SDHD: variants seen among roughly 807,000 people sequenced by gnomAD.
SDHD encodes succinate dehydrogenase complex subunit D, also known as succinate dehydrogenase [ubiquinone] cytochrome b small subunit, mitochondrial.
Under a neutral mutation model 18.7 loss-of-function variants are expected in SDHD, and 6 were observed. The observed-to-expected ratio is 0.32, with a 90% CI of 0.18 to 0.63. The LOEUF (loss-of-function observed/expected upper bound fraction) is 0.63. Ranked by LOEUF, SDHD falls within the 30% of genes least tolerant of loss-of-function variation. The probability of loss-of-function intolerance (pLI) is 0.79; values close to 1 mark genes in which losing one functional copy is unlikely to be tolerated. For synonymous variants in SDHD, 56 were observed against 73.9 expected, an observed-to-expected ratio of 0.76 and a Z score of 1.24; for missense variants, 160 against 192.7, an observed-to-expected ratio of 0.83 and a Z score of 1.00.
At chr11:112,094,740 T>C (rs1440929827) in intron 3 of SDHD, 65 bp from the exon 4 acceptor site, 1 of 1,436,606 alleles carries the variant, frequency 7.0e-7, no homozygotes, top group Non-Finnish European at 9.7e-7. Flanking sequence ...AGCCAAGTTA[T>C]CTGTATAGTC....
chr11:112,087,096 T>A, intron 1 of SDHD, 137 bp downstream of exon 1: 1 of 932,374 alleles, frequency 1.1e-6, no homozygotes, highest in South Asian at 1.4e-5. Flanking sequence ...ACCACTGTAG[T>A]CTAGGGGTCC....
intron 3 of SDHD, among the ~76,000 whole-genome samples, chr11:112,092,586 ATTAGGATGGC>A (rs1203546979): frequency 2.6e-5 from 4 of 152,198 alleles, no homozygotes; most frequent in Non-Finnish European, 5.9e-5. Flanking sequence ...CTCACACCCC[ATTAGGATGGC>A]TGTAATAAAA....
chr11:112,089,940 T>G (rs1865713237), intron 3 of SDHD, among the ~76,000 whole-genome samples: 1 of 151,402 alleles, frequency 6.6e-6, no homozygotes, highest in African/African-American at 2.4e-5. Flanking sequence ...TATTCTTGCC[T>G]CTTAAAAAAA....
In SDHD at chr11:112,088,898, T is replaced by G; in HGVS notation, c.201T>G (p.Thr67=). 6.2e-7 allele frequency: 1 copy of G among 1,612,666 alleles called. No homozygotes were observed. Among genetic ancestry groups the G allele is most frequent in the Non-Finnish European group, 8.5e-7 (1 of 1,179,944 alleles). Residue 67 remains threonine, a synonymous_variant, in exon 3 of 4, where the codon ACT becomes ACG. Coordinates refer to ENST00000375549, the MANE Select transcript of SDHD (RefSeq NM_003002.4). ...CCAAGGCTGCATCTCTCCACTGGACTAGCGAGAGGGTTGTCAGTGTTTTGC... is the reference window on the plus strand; with the variant it reads ...CCAAGGCTGCATCTCTCCACTGGACGAGCGAGAGGGTTGTCAGTGTTTTGC... ...SGSKAASLHW[T]SERVVSVLLL...
chr11:112,094,796 T>G lies in SDHD; in HGVS notation c.315-9T>G, dbSNP rs911853469. On this transcript the variant is annotated splice_polypyrimidine_tract_variant and intron_variant, in intron 3 of 3. Coordinates refer to ENST00000375549, the MANE Select transcript of SDHD (RefSeq NM_003002.4). ...TTTATTGATGTTATGATTTTTTCTTTTTCTTTAGGGGCCTTGGACAAGTTG... is the reference window on the plus strand; with the variant it reads ...TTTATTGATGTTATGATTTTTTCTTGTTCTTTAGGGGCCTTGGACAAGTTG... 3 of 1,610,558 alleles carry G rather than the reference T, an allele frequency of 1.9e-6. No individual in the cohort carries two copies. Among genetic ancestry groups the G allele is most frequent in the Non-Finnish European group, 2.5e-6 (3 of 1,179,326 alleles).
intron 2 of SDHD, chr11:112,088,542 G>T (rs1592779797): frequency 2.5e-6 from 1 of 393,164 alleles, no homozygotes; most frequent in South Asian, 2.1e-5. Flanking sequence ...TAAGGTGTCT[G>T]TTCACTTCAC....
At chr11:112,093,846 T>A (rs1865791219) in intron 3 of SDHD, among the ~76,000 whole-genome samples, 1 of 152,172 alleles carries the variant, frequency 6.6e-6, no homozygotes, top group African/African-American at 2.4e-5. Context: ...TCTAAAGTGT[T>A]TCTTCTCAGT....
At chr11:112,087,793 A>C in intron 1 of SDHD, 64 bp from the exon 2 acceptor site, 1 of 1,012,526 alleles carries the variant, frequency 9.9e-7, no homozygotes, top group Non-Finnish European at 1.6e-6. Flanking sequence ...ATGGTCATTT[A>C]GAAAGTTTGT....
At chr11:112,089,086 AG>A in intron 3 of SDHD, 75 bp downstream of exon 3, 1 of 1,538,338 alleles carries the variant, frequency 6.5e-7, no homozygotes. Context: ...ATTATATATG[AG>A]GGAGAAGTTG....
intron 1 of SDHD, among the ~76,000 whole-genome samples, chr11:112,087,199 G>T (rs995872549): frequency 6.6e-6 from 1 of 152,172 alleles, no homozygotes; most frequent in African/African-American, 2.4e-5. Context: ...TCGCAGTCCT[G>T]ATGAGGCTAA....
At position 112,088,779 on chromosome 11, in the gene SDHD, G is replaced by T. The variant is rs1019114366; in HGVS notation, c.170-88G>T. 2.8e-6 allele frequency: 4 copies of T among 1,406,218 alleles called. No individual in the cohort carries two copies. In the African/African-American group the frequency reaches 5.8e-5, roughly 20 times the overall value. The allele number at this position is 1,406,218 out of a possible 1,614,324, so 87.1% of individuals were successfully genotyped here. A position where few individuals can be genotyped will look rare whatever the true frequency, so the allele number is the denominator to read the frequency against. ...GTTATATCCTATATGTACACTGCCTGTCAGTTTGGGTTACTGTGTGGCATA... is the reference window on the plus strand; with the variant it reads ...GTTATATCCTATATGTACACTGCCTTTCAGTTTGGGTTACTGTGTGGCATA... On this transcript the variant is annotated intron_variant, in intron 2 of 3. Coordinates refer to ENST00000375549, the MANE Select transcript of SDHD (RefSeq NM_003002.4).
At chr11:112,087,065 A>T in intron 1 of SDHD, 106 bp downstream of exon 1, 1 of 1,279,804 alleles carries the variant, frequency 7.8e-7, no homozygotes, top group Non-Finnish European at 1.1e-6. Flanking sequence ...AGGAGAAGAA[A>T]ATACCGAAAT....
At chr11:112,091,121 A>G (rs1865737995) in intron 3 of SDHD, 1 of 977,324 alleles carries the variant, frequency 1.0e-6, no homozygotes, top group Non-Finnish European at 1.2e-6. Context: ...GAAATATTAG[A>G]TCACAAGTAC....
At chr11:112,088,208 C>G in intron 2 of SDHD, 1 of 524,860 alleles carries the variant, frequency 1.9e-6, no homozygotes. Flanking sequence ...CTTTTGTTTT[C>G]TTTTTTTTTG....
At position 112,089,048 on chromosome 11, in the gene SDHD, G is replaced by A. The variant is rs200354034; in HGVS notation, c.314+37G>A. The A allele has an allele frequency of 2.5e-6, 4 of 1,612,520 alleles. No individual in the cohort carries two copies. In the East Asian group the frequency reaches 6.7e-5, roughly 27 times the overall value. ...AATTCCAAATATAGTTGTCTGCTCA[G>A]TTTGTTTGCTGTGAGCTTGTCTTAT... On this transcript the variant is annotated intron_variant, in intron 3 of 3. Coordinates refer to ENST00000375549, the MANE Select transcript of SDHD (RefSeq NM_003002.4).
chr11:112,088,030 A>G, intron 2 of SDHD, 57 bp downstream of exon 2: 1 of 1,194,930 alleles, frequency 8.4e-7, no homozygotes, highest in Middle Eastern at 1.9e-4. Flanking sequence ...ACCTTCACTA[A>G]TGGTCATGCC....
intron 3 of SDHD, among the ~76,000 whole-genome samples, chr11:112,092,181 C>T (rs563707084): frequency 6.6e-6 from 1 of 151,958 alleles, no homozygotes; most frequent in African/African-American, 2.4e-5. Context: ...TGCAGCAAAC[C>T]ACCATGGCAC....
intron 3 of SDHD, among the ~76,000 whole-genome samples, chr11:112,093,728 C>T (rs370235321): frequency 6.6e-6 from 1 of 152,116 alleles, no homozygotes; most frequent in African/African-American, 2.4e-5. Flanking sequence ...TGCAACCGAC[C>T]CCTGCCTTCC....
rs1592780559 is a variant in SDHD, at chr11:112,088,960, G to T, written c.263G>T (p.Cys88Phe). The change falls in exon 3 of 4, where the codon TGC becomes TTC. Residue 88 changes from cysteine to phenylalanine, a missense_variant. By Grantham distance (205) the Cys-to-Phe change is radical (BLOSUM62 -2). Coordinates refer to ENST00000375549, the MANE Select transcript of SDHD (RefSeq NM_003002.4). Reference sequence around the variant, plus strand: ...CTTCCGGCTGCTTATTTGAATCCTTGCTCTGCGATGGACTATTCCCTGGCT... The same window carrying T: ...CTTCCGGCTGCTTATTTGAATCCTTTCTCTGCGATGGACTATTCCCTGGCT... Reference protein sequence around the residue: ...GLLPAAYLNPCSAMDYSLAAA... With the variant: ...GLLPAAYLNPFSAMDYSLAAA... The T allele has an allele frequency of 6.2e-7, 1 of 1,614,094 alleles. No individual in the cohort carries two copies. Among genetic ancestry groups the T allele is most frequent in the Non-Finnish European group, 8.5e-7 (1 of 1,180,012 alleles).
Sources: gnomAD v4.1 joint callset for allele counts (sites outside exome capture counted in the v4.1 genomes callset) on GRCh38, gnomAD v4.1.1 for gene constraint, MANE v1.5 for transcripts, NCBI Gene and HGNC (gene_info 2026-07-23, HGNC 2026-07-21) for gene names.